Variants in RORA observed in about 807,000 individuals in gnomAD.
RORA encodes the protein RAR related orphan receptor A.
In RORA, 7 loss-of-function variants were observed where a neutral mutation model predicts 69.5. The observed-to-expected ratio is 0.10, with a 90% CI of 0.06 to 0.19. The LOEUF is 0.19. RORA is among the 10% of genes least tolerant of loss of function. The probability of loss-of-function intolerance (pLI) is 1.00; values close to 1 mark genes in which losing one functional copy is unlikely to be tolerated. For synonymous variants in RORA, 261 were observed against 240.8 expected (o/e 1.08, Z -0.78); for missense variants, 457 against 663.0 (o/e 0.69, Z 3.41).
rs3053858 is a variant in RORA, at chr15:60,624,471, CATAT to C, written c.196+54182_196+54185del. ...GGAAGAGGTCCTCTTCCATTTGCTG[CATAT>C]ATATATATATATATATATATATTTG... On this transcript the variant is annotated intron_variant, in intron 2 of 10. Transcript: ENST00000335670. 8.4e-3 allele frequency among the ~76,000 whole-genome samples: 619 copies of C among 73,534 alleles called. 11 individuals are homozygous for C. The highest frequency in any genetic ancestry group is 0.017 in the Middle Eastern group (3 of 174). 48.2% of individuals were successfully genotyped at this position (73,534 alleles called of 152,430 possible).
At position 61,089,910 on chromosome 15, in the gene RORA, G is replaced by T. The variant is rs2078680812; in HGVS notation, c.166+139143C>A. Among the ~76,000 whole-genome samples the T allele has an allele frequency of 2.6e-5, 4 of 152,258 alleles. 2 individuals are homozygous for T. In the South Asian group the frequency reaches 8.3e-4, roughly 32 times the overall value. On this transcript the variant is annotated intron_variant, in intron 1 of 10. Transcript: ENST00000335670. ...GAACATTCCCAATTACCAGGCCAAT[G>T]ACCATTCTGAGGGTAGATAAAACTA... is the stretch of plus-strand genomic sequence containing the variant.
At chr15:60,742,640 C>T (rs541540766) in intron 1 of RORA, among the ~76,000 whole-genome samples, 10 of 152,302 alleles carry the variant, frequency 6.6e-5, no homozygotes, top group African/African-American at 2.4e-4. Context: ...TTGATCCCCC[C>T]AAGCCTCAGT....
In RORA at chr15:60,495,580, A is replaced by C. The variant is rs762491952; in HGVS notation, c.*1875T>G. On this transcript the variant is annotated 3_prime_UTR_variant, in exon 11 of 11. Transcript: ENST00000335670. ...CATGCTGGTAACCTAGCATGACGTG[A>C]AGAGCTGCAATTCCTGTAGAAGATT... 1 of 152,226 alleles carries C rather than the reference A, an allele frequency of 6.6e-6. No homozygotes were observed. The highest frequency in any genetic ancestry group is 1.5e-5 in the Non-Finnish European group (1 of 68,046). 9.4% of individuals were successfully genotyped at this position (152,226 alleles called of 1,614,324 possible).
chr15:60,577,500 C>T (rs1029702171), intron 2 of RORA, among the ~76,000 whole-genome samples: 7 of 151,856 alleles, frequency 4.6e-5, no homozygotes, highest in East Asian at 1.9e-4. Context: ...AAAAATTAGC[C>T]GGGTGTGGTG....
At chr15:60,532,449 A>G (rs2066554001) in intron 2 of RORA, among the ~76,000 whole-genome samples, 1 of 152,200 alleles carries the variant, frequency 6.6e-6, no homozygotes, top group African/African-American at 2.4e-5. Context: ...GAATTTAATA[A>G]TGATGAATCC....
At chr15:60,942,172 A>G (rs1297156215) in intron 1 of RORA, among the ~76,000 whole-genome samples, 3 of 152,080 alleles carry the variant, frequency 2.0e-5, no homozygotes. Context: ...AAACGTAACT[A>G]TCTATGGAGC....
intron 1 of RORA, among the ~76,000 whole-genome samples, chr15:61,036,498 C>A (rs111731223): frequency 6.6e-6 from 1 of 152,120 alleles, no homozygotes; most frequent in Non-Finnish European, 1.5e-5. Flanking sequence ...CCGTGCAGCA[C>A]GCCTCTGGAA....
intron 1 of RORA, among the ~76,000 whole-genome samples, chr15:60,895,970 T>C (rs888883908): frequency 3.9e-5 from 6 of 152,380 alleles, no homozygotes; most frequent in East Asian, 3.9e-4. Context: ...ACCTTTTCAA[T>C]GGCAGCCTTC....
chr15:60,592,185 C>T (rs970310864), intron 2 of RORA, among the ~76,000 whole-genome samples: 14 of 152,092 alleles, frequency 9.2e-5, no homozygotes, highest in African/African-American at 3.4e-4. Flanking sequence ...CCTTTGCCCC[C>T]CAATCGGAGG....
At chr15:60,970,212 T>C (rs1290216773) in intron 1 of RORA, among the ~76,000 whole-genome samples, 1 of 152,190 alleles carries the variant, frequency 6.6e-6, no homozygotes, top group East Asian at 1.9e-4. Flanking sequence ...GTATTTCCCA[T>C]CTGTAAAATG....
Position 60,509,345 on chromosome 15 carries a change from C to T in RORA, c.820+1881G>A, listed in dbSNP as rs74020730. 3.2e-3 allele frequency among the ~76,000 whole-genome samples: 492 copies of T among 152,158 alleles called. 5 individuals are homozygous for T. The highest frequency in any genetic ancestry group is 0.011 in the African/African-American group (474 of 41,494). On this transcript the variant is annotated intron_variant, in intron 5 of 10. Transcript: ENST00000335670. ...TCATTTAATTTATCTTGGTAAATAC[C>T]ACAACACCTGTGAAAAATCCCTAAT...
intron 1 of RORA, among the ~76,000 whole-genome samples, chr15:60,758,437 T>C (rs1278216964): frequency 6.6e-6 from 1 of 152,170 alleles, no homozygotes; most frequent in African/African-American, 2.4e-5. Flanking sequence ...TTCAAAACTC[T>C]TGGGTGGCTG....
chr15:61,019,591 C>T (rs1435027306), intron 1 of RORA, among the ~76,000 whole-genome samples: 1 of 152,084 alleles, frequency 6.6e-6, no homozygotes, highest in South Asian at 2.1e-4. Flanking sequence ...TTGTTCTGGG[C>T]TGGAAAAGTT....
intron 1 of RORA, among the ~76,000 whole-genome samples, chr15:60,949,485 C>T (rs1465147364): frequency 6.6e-6 from 1 of 152,176 alleles, no homozygotes; most frequent in African/African-American, 2.4e-5. Context: ...CCACACAGCC[C>T]TGGACCCGAG....
chr15:60,650,012 T>C (rs1021396921), intron 2 of RORA, among the ~76,000 whole-genome samples: 8 of 152,162 alleles, frequency 5.3e-5, no homozygotes, highest in Non-Finnish European at 7.4e-5. Flanking sequence ...AATGACACAC[T>C]TTGGGAGGTA....
chr15:61,178,353 C>T (rs2079650428), intron 1 of RORA, among the ~76,000 whole-genome samples: 1 of 152,112 alleles, frequency 6.6e-6, no homozygotes, highest in African/African-American at 2.4e-5. Context: ...TATTCGGATC[C>T]AAGGAAATTA....
intron 1 of RORA, among the ~76,000 whole-genome samples, chr15:60,792,157 G>GA (rs932006172): frequency 1.4e-4 from 22 of 152,014 alleles, no homozygotes; most frequent in Admixed American, 3.9e-4. Flanking sequence ...TGAATATAAT[G>GA]AAAAAAAATA....
At chr15:60,945,633 G>A (rs1892847746) in intron 1 of RORA, among the ~76,000 whole-genome samples, 1 of 152,192 alleles carries the variant, frequency 6.6e-6, no homozygotes. Flanking sequence ...TTCAGAAGTA[G>A]TGTTAGAAAT....
At chr15:61,059,526 G>A (rs1158644652) in intron 1 of RORA, among the ~76,000 whole-genome samples, 1 of 152,196 alleles carries the variant, frequency 6.6e-6, no homozygotes, top group Non-Finnish European at 1.5e-5. Flanking sequence ...AATGTTTCTG[G>A]AAGAATAGGG....
Sources: gnomAD v4.1 joint callset for allele counts (sites outside exome capture counted in the v4.1 genomes callset) on GRCh38, gnomAD v4.1.1 for gene constraint, MANE v1.5 for transcripts, NCBI Gene and HGNC (gene_info 2026-07-23, HGNC 2026-07-21) for gene names.